Variants in FMN1 observed in about 807,000 individuals in gnomAD.
The protein encoded by FMN1 is formin-1.
In FMN1, 110 loss-of-function variants were observed where a neutral mutation model predicts 132.4. That is an observed-to-expected ratio of 0.83 (90% CI 0.71 to 0.97). The LOEUF is 0.97. Among genes scored for constraint, FMN1 ranks in the 50% least tolerant of loss-of-function variants. The pLI, the probability that FMN1 is intolerant of heterozygous loss-of-function variation, is 0.00. For synonymous variants in FMN1, 722 were observed against 651.7 expected (o/e 1.11, Z -1.64); for missense variants, 1,792 against 1,705.3 (o/e 1.05, Z -0.90).
intron 5 of FMN1, chr15:33,066,488 A>T (rs1413026728): frequency 6.8e-7 from 1 of 1,473,322 alleles, no homozygotes. Context: ...TTATGTTAAA[A>T]TGCAAAACCC....
At chr15:33,176,423 T>C (rs1216222083) in intron 3 of FMN1, among the ~76,000 whole-genome samples, 3 of 150,180 alleles carry the variant, frequency 2.0e-5, no homozygotes, top group African/African-American at 7.4e-5. Flanking sequence ...GGAGAATTGC[T>C]TGAACCCGGG....
At chr15:32,978,404 C>G (rs1204982050) in intron 7 of FMN1, among the ~76,000 whole-genome samples, 8 of 151,938 alleles carry the variant, frequency 5.3e-5, no homozygotes, top group Non-Finnish European at 1.0e-4. Flanking sequence ...TATTAATATC[C>G]AAAATATAAG....
At chr15:32,849,686 T>G (rs1010516202) in intron 17 of FMN1, among the ~76,000 whole-genome samples, 1 of 151,100 alleles carries the variant, frequency 6.6e-6, no homozygotes, top group Non-Finnish European at 1.5e-5. Flanking sequence ...TTTGGAGGAG[T>G]CTCACTGTGG....
chr15:32,866,788 C>T (rs1226532174), intron 16 of FMN1, among the ~76,000 whole-genome samples: 1 of 152,156 alleles, frequency 6.6e-6, no homozygotes, highest in East Asian at 1.9e-4. Context: ...GTATCTCCTT[C>T]GCTGACAACC....
chr15:33,057,060 C>G (rs951597166), intron 6 of FMN1, among the ~76,000 whole-genome samples: 2 of 152,190 alleles, frequency 1.3e-5, no homozygotes, highest in African/African-American at 4.8e-5. Context: ...CACTTGTAAT[C>G]TCAGCTACTC....
chr15:33,070,001 T>C (rs1246255604), intron 5 of FMN1, among the ~76,000 whole-genome samples: 10 of 129,862 alleles, frequency 7.7e-5, no homozygotes, highest in African/African-American at 2.0e-4. Flanking sequence ...CTCTTTTTTT[T>C]TTTTTTTTTT....
At chr15:33,053,493 G>A (rs1373454078) in intron 6 of FMN1, among the ~76,000 whole-genome samples, 1 of 152,190 alleles carries the variant, frequency 6.6e-6, no homozygotes, top group Non-Finnish European at 1.5e-5. Context: ...CCTGCTGCAA[G>A]TTCGGGAAAG....
rs118115242 is a variant in FMN1 at position 32,992,261 on chromosome 15, G to A, written c.2223+15753C>T. ...GTTGGAATTTTACAGAAAAATAATG[G>A]TCCTGTATTGTATCCATCAAAACGG... On this transcript the variant is annotated intron_variant, in intron 7 of 20. Transcript: ENST00000616417. Among the ~76,000 whole-genome samples the A allele has an allele frequency of 3.5e-3, 526 of 152,220 alleles. 18 individuals carry two copies. The East Asian group carries it at 0.081, about 23-fold the overall frequency.
intron 19 of FMN1, among the ~76,000 whole-genome samples, chr15:32,793,886 T>G (rs1419113358): frequency 6.6e-6 from 1 of 152,210 alleles, no homozygotes; most frequent in African/African-American, 2.4e-5. Context: ...ACAATTTTAT[T>G]TATGGAGCTT....
intron 9 of FMN1, among the ~76,000 whole-genome samples, chr15:32,950,062 T>TATATATAC (rs1239468970): frequency 2.5e-5 from 2 of 79,688 alleles, no homozygotes; most frequent in African/African-American, 1.1e-4. Context: ...CACATATATA[T>TATATATAC]ATATATATAT....
chr15:33,082,389 G>A (rs368884778), intron 5 of FMN1, among the ~76,000 whole-genome samples: 1 of 152,068 alleles, frequency 6.6e-6, no homozygotes, highest in East Asian at 1.9e-4. Context: ...CTGCCACCAG[G>A]ATATAATCCT....
chr15:33,092,556 T>C (rs749663687), intron 4 of FMN1, among the ~76,000 whole-genome samples: 8 of 152,152 alleles, frequency 5.3e-5, no homozygotes, highest in South Asian at 2.1e-4. Context: ...GAGACGAACA[T>C]GGTCCTCGGG....
chr15:33,140,929 T>C (rs1260009853), intron 4 of FMN1, among the ~76,000 whole-genome samples: 1 of 152,248 alleles, frequency 6.6e-6, no homozygotes, highest in Non-Finnish European at 1.5e-5. Flanking sequence ...AGTATATTCT[T>C]ATATACTGAA....
chr15:32,839,733 G>A (rs1373654126), intron 17 of FMN1, among the ~76,000 whole-genome samples: 3 of 150,360 alleles, frequency 2.0e-5, no homozygotes, highest in Admixed American at 6.6e-5. Context: ...CTTGAGAACC[G>A]ATTTCTCCTC....
chr15:33,034,341 G>A (rs796158756), intron 6 of FMN1, among the ~76,000 whole-genome samples: 3 of 152,224 alleles, frequency 2.0e-5, no homozygotes, highest in African/African-American at 7.2e-5. Flanking sequence ...GAGGCCAAGG[G>A]TTCCAGGAAG....
Position 32,834,553 on chromosome 15 carries a change from C to G in FMN1, c.3928+22462G>C, listed in dbSNP as rs114234886. Among the ~76,000 whole-genome samples the G allele has an allele frequency of 1.2e-3, 190 of 152,276 alleles. 1 individual carries two copies. The highest frequency in any genetic ancestry group is 4.3e-3 in the African/African-American group (180 of 41,558). The stretch of plus-strand genomic sequence containing the variant: ...CAAGACTATTAATAGTTCCTCCAAA[C>G]AAAGAAACCGACTGCCATCATCCAA... On this transcript the variant is annotated intron_variant, in intron 17 of 20. Transcript: ENST00000616417.
chr15:33,078,535 G>A (rs1466696404), intron 5 of FMN1, among the ~76,000 whole-genome samples: 2 of 151,924 alleles, frequency 1.3e-5, no homozygotes, highest in African/African-American at 4.8e-5. Context: ...GGAAGTTTAT[G>A]ATGTTCCTAT....
rs184267903 is a variant in FMN1 at position 32,829,994 on chromosome 15, T to C, written c.3929-25662A>G. ...CCTTATGCTGGTTGAGAAAGCAAAATAACTAAATAAGGATTACTTATATCT... is the reference window on the plus strand; with the variant it reads ...CCTTATGCTGGTTGAGAAAGCAAAACAACTAAATAAGGATTACTTATATCT... On this transcript the variant is annotated intron_variant, in intron 17 of 20. Coordinates refer to ENST00000616417, the MANE Select transcript of FMN1 (RefSeq NM_001277313.2). Among the ~76,000 whole-genome samples the C allele has an allele frequency of 1.5e-4, 23 of 152,220 alleles. No homozygotes were observed. The East Asian group carries it at 4.4e-3, about 29-fold the overall frequency.
At chr15:32,874,545 G>A (rs912796551) in intron 16 of FMN1, among the ~76,000 whole-genome samples, 5 of 152,154 alleles carry the variant, frequency 3.3e-5, no homozygotes, top group Admixed American at 3.3e-4. Context: ...CAGAACAGCT[G>A]GAGGGAAAAT....
Sources: gnomAD v4.1 joint callset for allele counts (sites outside exome capture counted in the v4.1 genomes callset) on GRCh38, gnomAD v4.1.1 for gene constraint, MANE v1.5 for transcripts, NCBI Gene and HGNC (gene_info 2026-07-23, HGNC 2026-07-21) for gene names.